Variants in PTPRD observed in about 807,000 individuals in gnomAD.
The protein encoded by PTPRD is protein tyrosine phosphatase receptor type D.
Under a neutral mutation model 214.5 loss-of-function variants are expected in PTPRD, and 34 were observed. The observed-to-expected ratio is 0.16, with a 90% confidence interval of 0.12 to 0.21. The LOEUF (loss-of-function observed/expected upper bound fraction) is 0.21, where lower values mean the gene tolerates loss of function less well. Among genes scored for constraint, PTPRD ranks in the 10% least tolerant of loss-of-function variants. The pLI is 1.00. For synonymous variants in PTPRD, 1,128 were observed against 845.7 expected (o/e 1.33, Z -5.79); for missense variants, 2,545 against 2,398.7 (o/e 1.06, Z -1.27).
At chr9:10,514,002 C>T (rs2049148364) in intron 2 of PTPRD, among the ~76,000 whole-genome samples, 1 of 152,168 alleles carries the variant, frequency 6.6e-6, no homozygotes, top group Non-Finnish European at 1.5e-5. Flanking sequence ...ACAATGCTTA[C>T]TGTTCCCTTA....
intron 2 of PTPRD, among the ~76,000 whole-genome samples, chr9:10,498,713 C>A (rs1033124913): frequency 2.6e-5 from 4 of 151,768 alleles, no homozygotes; most frequent in African/African-American, 4.8e-5. Context: ...AATTTTCACA[C>A]CAATAAACTT....
intron 11 of PTPRD, among the ~76,000 whole-genome samples, chr9:8,817,072 G>A (rs1272342303): frequency 6.6e-6 from 1 of 152,060 alleles, no homozygotes; most frequent in Non-Finnish European, 1.5e-5. Context: ...TTTTTCCTTC[G>A]GTATAGCATG....
intron 3 of PTPRD, among the ~76,000 whole-genome samples, chr9:10,120,716 C>A (rs2098767935): frequency 6.6e-6 from 1 of 151,824 alleles, no homozygotes. Context: ...GAATCCATAA[C>A]CAAAAATGAC....
chr9:8,775,876 G>T (rs1308451982), intron 11 of PTPRD, among the ~76,000 whole-genome samples: 6 of 151,624 alleles, frequency 4.0e-5, no homozygotes, highest in Non-Finnish European at 8.8e-5. Context: ...CTGCAGGAAT[G>T]AAGAATAGTA....
intron 5 of PTPRD, among the ~76,000 whole-genome samples, chr9:9,847,926 T>C (rs1364537631): frequency 6.6e-6 from 1 of 152,090 alleles, no homozygotes; most frequent in Admixed American, 6.6e-5. Flanking sequence ...GTGATGAAGC[T>C]ACATCCTGCT....
chr9:9,893,703 T>C (rs528767231), intron 5 of PTPRD, among the ~76,000 whole-genome samples: 1 of 152,244 alleles, frequency 6.6e-6, no homozygotes, highest in East Asian at 1.9e-4. Context: ...ATTAAGATCC[T>C]TCCCAATGAC....
chr9:8,887,100 T>A (rs2098497236), intron 11 of PTPRD, among the ~76,000 whole-genome samples: 1 of 152,200 alleles, frequency 6.6e-6, no homozygotes, highest in Admixed American at 6.5e-5. Flanking sequence ...TACAGAAATA[T>A]TCAGTAAGTG....
At chr9:9,332,630 G>T (rs890617961) in intron 9 of PTPRD, among the ~76,000 whole-genome samples, 1 of 150,794 alleles carries the variant, frequency 6.6e-6, no homozygotes, top group Admixed American at 6.6e-5. Flanking sequence ...CCAGGATTAC[G>T]TTGTTCAACA....
chr9:9,964,191 GA>G (rs1280206497), intron 4 of PTPRD, among the ~76,000 whole-genome samples: 8 of 140,364 alleles, frequency 5.7e-5, no homozygotes, highest in African/African-American at 1.5e-4. Context: ...CAAATTGGGG[GA>G]AAAAAGAATC....
intron 5 of PTPRD, among the ~76,000 whole-genome samples, chr9:9,856,697 G>A (rs916572791): frequency 6.6e-6 from 1 of 151,928 alleles, no homozygotes; most frequent in Admixed American, 6.5e-5. Flanking sequence ...ATCTGTTAAA[G>A]CTGTCCCAAT....
intron 3 of PTPRD, among the ~76,000 whole-genome samples, chr9:10,062,972 T>A (rs396845): frequency 0.21 from 31,882 of 152,012 alleles, 8,148 homozygotes; most frequent in African/African-American, 0.61. Context: ...TGAGAACATT[T>A]TATTGCCCTA....
chr9:9,863,580 G>A (rs1280571839), intron 5 of PTPRD, among the ~76,000 whole-genome samples: 1 of 152,170 alleles, frequency 6.6e-6, no homozygotes, highest in African/African-American at 2.4e-5. Context: ...CCTTGCCAAA[G>A]TAATGGCTTC....
At chr9:9,618,096 A>G (rs2095007467) in intron 7 of PTPRD, among the ~76,000 whole-genome samples, 1 of 147,574 alleles carries the variant, frequency 6.8e-6, no homozygotes. Context: ...AAAAAAAAAA[A>G]AAAAAAAAGA....
At chr9:10,579,133 T>C (rs1369054693) in intron 2 of PTPRD, among the ~76,000 whole-genome samples, 2 of 152,026 alleles carry the variant, frequency 1.3e-5, no homozygotes, top group Non-Finnish European at 2.9e-5. Flanking sequence ...TGGATTACTA[T>C]GCAGCCATAA....
At chr9:8,399,965 G>A (rs978999664) in intron 36 of PTPRD, among the ~76,000 whole-genome samples, 3 of 152,026 alleles carry the variant, frequency 2.0e-5, no homozygotes, top group African/African-American at 7.2e-5. Context: ...TTGGGGTTGG[G>A]CCTCCATAAC....
rs79847561 is a variant in PTPRD, at chr9:8,675,468, T to G, written c.65-38624A>C. Among the ~76,000 whole-genome samples the G allele has an allele frequency of 5.1e-3, 764 of 149,186 alleles. 13 individuals carry two copies. Among genetic ancestry groups the G allele is most frequent in the Admixed American group, 0.031 (455 of 14,832 alleles). ...TCCTAAATCTATGTAATCCTGTATTTCTTTATGTCATACCCCCACCTCCAG... is the reference window on the plus strand; with the variant it reads ...TCCTAAATCTATGTAATCCTGTATTGCTTTATGTCATACCCCCACCTCCAG... On this transcript the variant is annotated intron_variant, in intron 12 of 45. Transcript: ENST00000381196.
chr9:10,552,632 A>C (rs1322306), intron 2 of PTPRD, among the ~76,000 whole-genome samples: 27,959 of 152,098 alleles, frequency 0.18, 2,926 homozygotes, highest in Admixed American at 0.28. Flanking sequence ...TCCTCTCTCC[A>C]ACTTCCATTC....
At chr9:10,330,555 A>G (rs972918262) in intron 3 of PTPRD, among the ~76,000 whole-genome samples, 7 of 151,890 alleles carry the variant, frequency 4.6e-5, no homozygotes, top group Non-Finnish European at 1.0e-4. Flanking sequence ...TTCTTGATGC[A>G]TACTGCCTGT....
intron 7 of PTPRD, among the ~76,000 whole-genome samples, chr9:9,589,882 G>C (rs993684888): frequency 1.3e-5 from 2 of 151,826 alleles, no homozygotes; most frequent in African/African-American, 4.8e-5. Context: ...ACGTACACGG[G>C]GCTTGTGGGA....
Sources: gnomAD v4.1 joint callset for allele counts (sites outside exome capture counted in the v4.1 genomes callset) on GRCh38, gnomAD v4.1.1 for gene constraint, MANE v1.5 for transcripts, NCBI Gene and HGNC (gene_info 2026-07-23, HGNC 2026-07-21) for gene names.